The following CAPZA2 variants were observed in gnomAD, a reference collection of about 807,000 sequenced individuals.
The protein encoded by CAPZA2 is capping actin protein of muscle Z-line subunit alpha 2.
In CAPZA2, 13 loss-of-function variants were observed where a neutral mutation model predicts 44.0. That is an observed-to-expected ratio of 0.30 (90% CI 0.19 to 0.47). The LOEUF (loss-of-function observed/expected upper bound fraction) is 0.47. Ranked by LOEUF, CAPZA2 falls within the 20% of genes least tolerant of loss-of-function variation. The probability of loss-of-function intolerance (pLI) is 1.00; values close to 1 mark genes in which losing one functional copy is unlikely to be tolerated. For missense variants in CAPZA2, 244 were observed against 338.6 expected, an observed-to-expected ratio of 0.72 and a Z score of 2.19; for synonymous variants, 94 against 108.2, an observed-to-expected ratio of 0.87 and a Z score of 0.81.
At chr7:116,865,326 C>T (rs1471437869) in intron 1 of CAPZA2, among the ~76,000 whole-genome samples, 1 of 151,354 alleles carries the variant, frequency 6.6e-6, no homozygotes, top group East Asian at 2.0e-4. Context: ...GCTGGGATAA[C>T]TGGCACATGC....
chr7:116,916,042 TG>T lies in CAPZA2; in HGVS notation c.658-17del, dbSNP rs1271317641. On this transcript the variant is annotated splice_polypyrimidine_tract_variant and intron_variant, in intron 8 of 9. Transcript: ENST00000361183. ...TAGTTTTAAATTACTATTTTTATTTTGTTTTTTTTTTTTTCAGAATGAAGTG... is the reference window on the plus strand; with the variant it reads ...TAGTTTTAAATTACTATTTTTATTTTTTTTTTTTTTTTTCAGAATGAAGTG... The T allele has an allele frequency of 2.1e-5, 30 of 1,429,228 alleles. No individual in the cohort carries two copies. The highest frequency in any genetic ancestry group is 9.3e-5 in the South Asian group (7 of 75,442). 88.5% of individuals were successfully genotyped at this position (1,429,228 alleles called of 1,614,324 possible). A position where few individuals can be genotyped will look rare whatever the true frequency, so the allele number is the denominator to read the frequency against.
intron 2 of CAPZA2, among the ~76,000 whole-genome samples, chr7:116,890,581 T>C (rs1277859463): frequency 4.1e-5 from 1 of 24,296 alleles, no homozygotes; most frequent in Non-Finnish European, 6.5e-5. Context: ...CATATATATA[T>C]ATATATATAT....
intron 1 of CAPZA2, among the ~76,000 whole-genome samples, chr7:116,873,282 CTGTT>C (rs1356982522): frequency 6.6e-6 from 1 of 151,934 alleles, no homozygotes; most frequent in East Asian, 1.9e-4. Flanking sequence ...CTCTAGATGG[CTGTT>C]TGGGGGTTTT....
In CAPZA2 at chr7:116,911,337, G is replaced by A. The variant is rs1048488813; in HGVS notation, c.586-732G>A. On this transcript the variant is annotated intron_variant, in intron 7 of 9. Transcript: ENST00000361183. The stretch of plus-strand genomic sequence containing the variant: ...AGATAGTTTTTTAAATTTAAATGTG[G>A]ATATGTTACTTGACTATGTAAGACC... Among the ~76,000 whole-genome samples, 6 of 152,242 alleles carry A rather than the reference G, an allele frequency of 3.9e-5. No homozygotes were observed. The East Asian group carries it at 1.2e-3, about 29-fold the overall frequency.
At chr7:116,902,694 C>T (rs1169263798) in intron 4 of CAPZA2, among the ~76,000 whole-genome samples, 2 of 152,084 alleles carry the variant, frequency 1.3e-5, no homozygotes, top group Non-Finnish European at 2.9e-5. Flanking sequence ...GAAATAAAAA[C>T]ATCAGTATGT....
chr7:116,916,046 T>TG lies in CAPZA2; in HGVS notation c.658-14_658-13insG. 2 of 1,488,710 alleles carry TG rather than the reference T, an allele frequency of 1.3e-6. No homozygotes were observed. Among genetic ancestry groups the TG allele is most frequent in the African/African-American group, 1.4e-5 (1 of 69,336 alleles). 92.2% of individuals were successfully genotyped at this position (1,488,710 alleles called of 1,614,324 possible). A position where few individuals can be genotyped will look rare whatever the true frequency, so the allele number is the denominator to read the frequency against. ...TTTAAATTACTATTTTTATTTTGTT[T>TG]TTTTTTTTTTCAGAATGAAGTGCAA... On this transcript the variant is annotated splice_polypyrimidine_tract_variant and intron_variant, in intron 8 of 9. Transcript: ENST00000361183.
chr7:116,898,935 T>C (rs2115946422), intron 4 of CAPZA2, 100 bp downstream of exon 4: 1 of 648,084 alleles, frequency 1.5e-6, no homozygotes, highest in Non-Finnish European at 2.6e-6. Context: ...AAATTATTCA[T>C]ATTTTAATCA....
At chr7:116,913,756 C>G (rs1363903629) in intron 8 of CAPZA2, among the ~76,000 whole-genome samples, 1 of 149,346 alleles carries the variant, frequency 6.7e-6, no homozygotes, top group Non-Finnish European at 1.5e-5. Flanking sequence ...GCACGTGCCA[C>G]CACACCCAGC....
At chr7:116,878,833 A>G (rs1796653132) in intron 1 of CAPZA2, among the ~76,000 whole-genome samples, 1 of 152,162 alleles carries the variant, frequency 6.6e-6, no homozygotes, top group African/African-American at 2.4e-5. Context: ...CCAGGTCTAT[A>G]TTTAAGAATA....
At chr7:116,914,077 G>T (rs1351093328) in intron 8 of CAPZA2, among the ~76,000 whole-genome samples, 1 of 148,646 alleles carries the variant, frequency 6.7e-6, no homozygotes, top group African/African-American at 2.5e-5. Flanking sequence ...GCCCAGGCTG[G>T]ACTGCAGTGG....
intron 1 of CAPZA2, among the ~76,000 whole-genome samples, chr7:116,887,423 G>C (rs1796777057): frequency 6.6e-6 from 1 of 152,028 alleles, no homozygotes; most frequent in Admixed American, 6.6e-5. Flanking sequence ...AGCTGCTCAG[G>C]AGGCGGAGGT....
At chr7:116,880,047 T>G (rs1562958025) in intron 1 of CAPZA2, 1 of 464,588 alleles carries the variant, frequency 2.2e-6, no homozygotes, top group Admixed American at 2.5e-5. Flanking sequence ...CCGCTCTGAT[T>G]GATTTTTTTT....
chr7:116,872,536 A>G (rs1796565834), intron 1 of CAPZA2, among the ~76,000 whole-genome samples: 1 of 152,208 alleles, frequency 6.6e-6, no homozygotes, highest in South Asian at 2.1e-4. Context: ...TACCACTCTT[A>G]AGTTTACCCA....
intron 1 of CAPZA2, among the ~76,000 whole-genome samples, chr7:116,871,750 T>C (rs569530839): frequency 9.2e-5 from 14 of 152,358 alleles, no homozygotes; most frequent in African/African-American, 2.9e-4. Flanking sequence ...TTTGTACTTA[T>C]CTTTGTTATA....
In CAPZA2 at chr7:116,901,859, AC is replaced by A. The variant is rs566417183; in HGVS notation, c.220-2317del. Among the ~76,000 whole-genome samples, 45 of 150,006 alleles carry A rather than the reference AC, an allele frequency of 3.0e-4. 2 individuals are homozygous for A. In the East Asian group the frequency reaches 8.2e-3, roughly 27 times the overall value. On this transcript the variant is annotated intron_variant, in intron 4 of 9. Transcript: ENST00000361183. ...TCATAAAGTTTATGTGGAAAAAAAA[AC>A]ATGCTTGAAATAACGAAGAAATGTG...
chr7:116,898,638 G>A (rs956769472), intron 3 of CAPZA2, 134 bp from the exon 4 acceptor site: 8 of 488,648 alleles, frequency 1.6e-5, no homozygotes, highest in African/African-American at 1.6e-4. Flanking sequence ...TTCAGTAATG[G>A]AGAATTACAA....
chr7:116,884,898 C>T (rs1585005702), intron 1 of CAPZA2, among the ~76,000 whole-genome samples: 1 of 152,334 alleles, frequency 6.6e-6, no homozygotes, highest in Non-Finnish European at 1.5e-5. Flanking sequence ...TCTGCATCCT[C>T]ACCAGCACTG....
chr7:116,870,694 C>T (rs1016367421), intron 1 of CAPZA2, among the ~76,000 whole-genome samples: 3 of 152,146 alleles, frequency 2.0e-5, no homozygotes, highest in Non-Finnish European at 4.4e-5. Flanking sequence ...CTGGTAAGAA[C>T]AGTTGAGAAC....
intron 7 of CAPZA2, 110 bp from the exon 8 acceptor site, chr7:116,911,959 T>C: frequency 6.5e-7 from 1 of 1,545,558 alleles, no homozygotes. Flanking sequence ...AGCAGAGAAG[T>C]CTAGACTAGA....
Sources: gnomAD v4.1 joint callset for allele counts (sites outside exome capture counted in the v4.1 genomes callset) on GRCh38, gnomAD v4.1.1 for gene constraint, MANE v1.5 for transcripts, NCBI Gene and HGNC (gene_info 2026-07-23, HGNC 2026-07-21) for gene names.